Variants in HNF4G observed in about 807,000 individuals in gnomAD.
The protein encoded by HNF4G is hepatocyte nuclear factor 4-gamma.
A neutral mutation model predicts 50.9 loss-of-function variants in HNF4G; 21 were observed. The ratio of observed to expected loss-of-function variants is 0.41; its 90% CI spans 0.29 to 0.59. The LOEUF (loss-of-function observed/expected upper bound fraction) is 0.59. Among genes scored for constraint, HNF4G ranks in the 20% least tolerant of loss-of-function variants. The pLI, the probability that HNF4G is intolerant of heterozygous loss-of-function variation, is 0.26. For synonymous variants in HNF4G, 198 were observed against 185.6 expected (o/e 1.07, Z -0.54); for missense variants, 527 against 559.4 (o/e 0.94, Z 0.58).
intron 2 of HNF4G, among the ~76,000 whole-genome samples, chr8:75,494,299 AGCACACACACACACACACACAC>A (rs1220211010): frequency 1.8e-4 from 24 of 137,142 alleles, no homozygotes; most frequent in African/African-American, 5.4e-4. Flanking sequence ...TCTCCCATAC[AGCACACACACACACACACACAC>A]ACACACACAC....
intron 2 of HNF4G, among the ~76,000 whole-genome samples, chr8:75,503,921 A>G (rs1812996398): frequency 1.3e-5 from 2 of 152,154 alleles, no homozygotes; most frequent in Non-Finnish European, 2.9e-5. Context: ...TTATGTTTAG[A>G]ATACATGAGT....
At chr8:75,418,340 T>C (rs553730833) in intron 1 of HNF4G, among the ~76,000 whole-genome samples, 93 of 152,276 alleles carry the variant, frequency 6.1e-4, no homozygotes, top group Admixed American at 1.1e-3. Flanking sequence ...AACATATGAT[T>C]TTGGGAGGGA....
intron 2 of HNF4G, among the ~76,000 whole-genome samples, chr8:75,495,786 C>T (rs1812753929): frequency 1.3e-5 from 2 of 151,978 alleles, no homozygotes; most frequent in Non-Finnish European, 2.9e-5. Context: ...GATCTGCCCG[C>T]CTTGGCACTT....
At chr8:75,421,646 G>C (rs1396041178) in intron 1 of HNF4G, among the ~76,000 whole-genome samples, 1 of 152,198 alleles carries the variant, frequency 6.6e-6, no homozygotes, top group Admixed American at 6.5e-5. Context: ...GCACATGCAA[G>C]TGGTTCACAA....
intron 2 of HNF4G, among the ~76,000 whole-genome samples, chr8:75,531,126 C>T (rs1806315721): frequency 2.6e-5 from 4 of 151,964 alleles, no homozygotes; most frequent in Admixed American, 1.3e-4. Context: ...CTTAGTTAAT[C>T]GTTACAAGAA....
At chr8:75,475,944 A>T (rs767834299) in intron 1 of HNF4G, among the ~76,000 whole-genome samples, 2 of 151,976 alleles carry the variant, frequency 1.3e-5, no homozygotes, top group East Asian at 1.9e-4. Context: ...ATTTATTTTT[A>T]AAATTTTTTT....
At chr8:75,548,456 T>C (rs1423682623) in intron 3 of HNF4G, among the ~76,000 whole-genome samples, 1 of 152,294 alleles carries the variant, frequency 6.6e-6, no homozygotes. Flanking sequence ...ATAGTGAACA[T>C]AGCAGACAAA....
At chr8:75,512,337 T>G (rs1805776585) in intron 2 of HNF4G, among the ~76,000 whole-genome samples, 1 of 151,722 alleles carries the variant, frequency 6.6e-6, no homozygotes, top group South Asian at 2.1e-4. Context: ...ATTAAAGAAG[T>G]TCACTTTTAT....
At position 75,532,858 on chromosome 8, in the gene HNF4G, TC is replaced by T. The variant is rs1343583543; in HGVS notation, c.-23-10952del. 1.3e-5 allele frequency among the ~76,000 whole-genome samples: 2 copies of T among 151,992 alleles called. 1 individual carries two copies. Among genetic ancestry groups the T allele is most frequent in the East Asian group, 3.9e-4 (2 of 5,182 alleles). On this transcript the variant is annotated intron_variant, in intron 2 of 10. Coordinates refer to the HNF4G transcript ENST00000354370. ...CAATAAATTTGTTCTGTTGCAGAAG[TC>T]TAAATGTGTAGGATAATAACTCTAT...
chr8:75,557,194 C>T (rs1192258159), intron 6 of HNF4G, among the ~76,000 whole-genome samples: 3 of 152,024 alleles, frequency 2.0e-5, no homozygotes, highest in East Asian at 3.9e-4. Flanking sequence ...TTGATTTACC[C>T]AGAATAGTTA....
At chr8:75,539,515 T>C (rs920408052), upstream of HNF4G, among the ~76,000 whole-genome samples, 7 of 152,204 alleles carry the variant, frequency 4.6e-5, no homozygotes, top group African/African-American at 1.7e-4. Context: ...ACCAAATTTA[T>C]AGCAGTAAAG....
At chr8:75,547,534 G>C (rs1316613480) in intron 2 of HNF4G, 53 bp from the exon 3 acceptor site, 6 of 1,231,390 alleles carry the variant, frequency 4.9e-6, no homozygotes, top group Non-Finnish European at 7.1e-6. Flanking sequence ...CTGTTTATTT[G>C]CTTCTTTTGT....
At chr8:75,468,883 G>C (rs1422666685) in intron 1 of HNF4G, among the ~76,000 whole-genome samples, 1 of 150,698 alleles carries the variant, frequency 6.6e-6, no homozygotes, top group Non-Finnish European at 1.5e-5. Flanking sequence ...CCAAAGTCTT[G>C]AGAAACAAAA....
chr8:75,475,231 A>G (rs903181772), intron 1 of HNF4G, among the ~76,000 whole-genome samples: 3 of 151,470 alleles, frequency 2.0e-5, no homozygotes, highest in Non-Finnish European at 2.9e-5. Context: ...GATGGTCTCA[A>G]TCTCTTGACC....
intron 1 of HNF4G, among the ~76,000 whole-genome samples, chr8:75,440,377 C>T (rs1436319496): frequency 1.3e-5 from 2 of 152,154 alleles, no homozygotes; most frequent in Non-Finnish European, 2.9e-5. Context: ...TTCTAACACA[C>T]TTTTGATGCA....
At chr8:75,413,939 T>C (rs1241093409) in intron 1 of HNF4G, among the ~76,000 whole-genome samples, 1 of 152,204 alleles carries the variant, frequency 6.6e-6, no homozygotes, top group African/African-American at 2.4e-5. Context: ...TATTAAAACC[T>C]AGTGAAAAGC....
chr8:75,470,129 G>GA (rs1469554570), intron 1 of HNF4G, among the ~76,000 whole-genome samples: 12 of 152,282 alleles, frequency 7.9e-5, no homozygotes, highest in African/African-American at 2.9e-4. Context: ...GAGCAAAGTA[G>GA]GGTGTAATCT....
chr8:75,453,287 C>T (rs1163998180), intron 1 of HNF4G, among the ~76,000 whole-genome samples: 2 of 152,078 alleles, frequency 1.3e-5, no homozygotes, highest in African/African-American at 4.8e-5. Context: ...TTGTAAAATG[C>T]ACCAATCAGT....
chr8:75,519,619 G>A (rs1393208296), intron 2 of HNF4G, among the ~76,000 whole-genome samples: 1 of 152,182 alleles, frequency 6.6e-6, no homozygotes, highest in East Asian at 1.9e-4. Flanking sequence ...CATGAGAACA[G>A]CATGGGAAAG....
Sources: allele counts gnomAD v4.1 joint callset (sites outside exome capture counted in the v4.1 genomes callset), GRCh38; gene constraint gnomAD v4.1.1; transcripts MANE v1.5; gene names NCBI Gene and HGNC (gene_info 2026-07-23, HGNC 2026-07-21).